The following CDSN variants were observed in gnomAD, a reference collection of about 807,000 sequenced individuals.
The protein encoded by CDSN is corneodesmosin.
CDSN carries 11 observed loss-of-function variants against 25.6 expected under a neutral mutation model. That is an observed-to-expected ratio of 0.43 (90% CI 0.27 to 0.71). The LOEUF (loss-of-function observed/expected upper bound fraction) is 0.71. Among genes scored for constraint, CDSN ranks in the 30% least tolerant of loss-of-function variants. The pLI is 0.20. For synonymous variants in CDSN, 266 were observed against 267.4 expected, an observed-to-expected ratio of 0.99 and a Z score of 0.05; for missense variants, 598 against 670.9, an observed-to-expected ratio of 0.89 and a Z score of 1.20.
rs760265373 is a variant in CDSN at position 31,120,431 on chromosome 6, C to T, written c.-12G>A. Reference sequence around the variant, plus strand: ...CGAGACGAGCCCATCTCGGACTGCACGGCCTCCTGACTGATGGCAGCTCAA... The same window carrying T: ...CGAGACGAGCCCATCTCGGACTGCATGGCCTCCTGACTGATGGCAGCTCAA... On this transcript the variant is annotated 5_prime_UTR_variant, in exon 1 of 2. It adds an upstream start codon to the 5' untranslated region. Transcript: ENST00000376288. The T allele has an allele frequency of 5.7e-6, 9 of 1,568,416 alleles. No homozygotes were observed. Among genetic ancestry groups the T allele is most frequent in the Admixed American group, 3.8e-5 (2 of 53,288 alleles).
Position 31,116,784 on chromosome 6 carries a change from G to T in CDSN, c.831C>A (p.Gly277=), listed in dbSNP as rs1772154559. The T allele has an allele frequency of 1.2e-6, 2 of 1,613,436 alleles. No individual in the cohort carries two copies. The highest frequency in any genetic ancestry group is 1.7e-6 in the Non-Finnish European group (2 of 1,180,022). The change falls in exon 2 of 2, where the codon GGC becomes GGA. Residue 277 remains glycine, a synonymous_variant. Coordinates refer to ENST00000376288, the MANE Select transcript of CDSN (RefSeq NM_001264.5). ...VVQGPPCSNG[G]LPGKPCPPIT... ...TTGGGGGACAGGGCTTGCCTGGAAG[G>T]CCACCATTGCTACAGGGGGGACCTT...
chr6:31,117,159 G>C lies in CDSN; in HGVS notation c.456C>G (p.Ser152Arg), dbSNP rs144038841. The C allele has an allele frequency of 9.7e-4, 1,554 of 1,606,338 alleles. 23 individuals are homozygous for C. The East Asian group carries it at 0.027, about 28-fold the overall frequency. Residue 152 changes from serine (S) to arginine (R), a missense_variant, in exon 2 of 2, where the codon AGC becomes AGG. Coordinates refer to ENST00000376288, the MANE Select transcript of CDSN (RefSeq NM_001264.5). Reference protein sequence around the residue: ...GNSGSHSGSSSSHSSSSSSFQ... With the variant: ...GNSGSHSGSSRSHSSSSSSFQ... ...AGCTGCTGCTGCTGCTCGAATGAGA[G>C]CTGCTGCTTCCCGAGTGAGAGCCGC...
At chr6:31,117,973 T>A in intron 1 of CDSN, 1 of 179,892 alleles carries the variant, frequency 5.6e-6, no homozygotes, top group Non-Finnish European at 1.2e-5. Flanking sequence ...GAAGAGGGAA[T>A]GGAGAAGGGG....
chr6:31,117,864 C>T (rs3130987), intron 1 of CDSN: 191,536 of 339,124 alleles, frequency 0.56, 55,787 homozygotes, highest in East Asian at 0.71. Context: ...TTTGGGAGGC[C>T]GAGGTGGGAG....
rs1358676547 is a variant in CDSN at position 31,115,178 on chromosome 6, T to C, written c.*847A>G. On this transcript the variant is annotated 3_prime_UTR_variant, in exon 2 of 2. Transcript: ENST00000376288. This position sits in a 1 kb window ranked among gnomAD's most constrained non-coding sequence, Gnocchi z 4.2. ...AACACAGCCCGCTTTTGAAGGAAAA[T>C]GAGGAACACAGAGACCTCTAGAGGC... The C allele has an allele frequency of 3.0e-6, 1 of 336,922 alleles. No homozygotes were observed. The highest frequency in any genetic ancestry group is 2.2e-5 in the African/African-American group (1 of 46,122). 20.9% of individuals were successfully genotyped at this position (336,922 alleles called of 1,614,324 possible).
At position 31,116,556 on chromosome 6, in the gene CDSN, G is replaced by A. The variant is rs36097319; in HGVS notation, c.1059C>T (p.Ser353=). Reference sequence around the variant, plus strand: ...CCGACTGGCTGGGGATGATGGGGTTGCTGGAGAAGTATTTGCCCTCAGAGA... The same window carrying A: ...CCGACTGGCTGGGGATGATGGGGTTACTGGAGAAGTATTTGCCCTCAGAGA... ...PPISEGKYFS[S]NPIIPSQSAA... Residue 353 remains serine, a synonymous_variant, in exon 2 of 2, where the codon AGC becomes AGT. Transcript: ENST00000376288. 4.2e-3 allele frequency: 6,768 copies of A among 1,613,924 alleles called. 213 individuals are homozygous for A. The South Asian group carries it at 0.053, about 13-fold the overall frequency.
At chr6:31,117,738 G>A in intron 1 of CDSN, 1 of 595,190 alleles carries the variant, frequency 1.7e-6, no homozygotes, top group Non-Finnish European at 3.0e-6. Flanking sequence ...TGGGAAGGGT[G>A]GGCAAACACC....
At chr6:31,118,693 TACAA>T (rs1772296239) in intron 1 of CDSN, 2 of 152,196 alleles carry the variant, frequency 1.3e-5, no homozygotes, top group Non-Finnish European at 2.9e-5. Context: ...TCCCACGTGT[TACAA>T]ACAGAGCCAC....
At position 31,115,907 on chromosome 6, in the gene CDSN, T is replaced by G; in HGVS notation, c.*118A>C. The stretch of plus-strand genomic sequence containing the variant: ...GTAGTGGAGAAAGCAGAACCACTCT[T>G]TTGGGAAGGAGGGAAACTGAGCTAA... On this transcript the variant is annotated 3_prime_UTR_variant, in exon 2 of 2. Transcript: ENST00000376288. The surrounding 1 kb of genome is among the most constrained non-coding windows in gnomAD (Gnocchi z 4.2). The G allele has an allele frequency of 1.1e-6, 1 of 887,816 alleles. No individual in the cohort carries two copies. Among genetic ancestry groups the G allele is most frequent in the Non-Finnish European group, 1.8e-6 (1 of 546,256 alleles). The allele number at this position is 887,816 out of a possible 1,614,324, so 55.0% of individuals were successfully genotyped here. A position where few individuals can be genotyped will look rare whatever the true frequency, so the allele number is the denominator to read the frequency against.
chr6:31,120,362 G>A lies in CDSN; in HGVS notation c.58C>T (p.Leu20=). The A allele has an allele frequency of 6.3e-7, 1 of 1,593,216 alleles. No homozygotes were observed. The change falls in exon 1 of 2, where the codon CTG becomes TTG. Residue 20 remains leucine, a synonymous_variant. Transcript: ENST00000376288. The part of the protein sequence containing the change: ...GRVGGHGMMA[L]LLAGLLLPGT... ...GGCAGGAGGAGACCAGCCAGCAGCA[G>A]TGCCATCATCCCGTGCCCACCCACA...
chr6:31,120,091 T>C (rs1048290892), intron 1 of CDSN, among the ~76,000 whole-genome samples: 3 of 151,990 alleles, frequency 2.0e-5, no homozygotes, highest in African/African-American at 7.3e-5. Flanking sequence ...CCAAAGTACA[T>C]ATCACATACA....
Position 31,117,049 on chromosome 6 carries a change from G to C in CDSN, c.566C>G (p.Pro189Arg). Residue 189 changes from proline (P) to arginine (R), a missense_variant, in exon 2 of 2, where the codon CCT becomes CGT. Coordinates refer to ENST00000376288, the MANE Select transcript of CDSN (RefSeq NM_001264.5). The part of the protein sequence containing the change: ...NDNSYRGILN[P>R]SQPGQSSSSS... ...GGAAGAGCTTTGTCCAGGCTGGGAA[G>C]GGTTTAGTATTCCGCGGTAAGAGTT... The C allele has an allele frequency of 6.2e-7, 1 of 1,614,260 alleles. No individual in the cohort carries two copies. The highest frequency in any genetic ancestry group is 1.3e-5 in the African/African-American group (1 of 75,068).
intron 1 of CDSN, among the ~76,000 whole-genome samples, chr6:31,119,593 G>T (rs751265791): frequency 3.9e-5 from 6 of 152,182 alleles, no homozygotes; most frequent in Non-Finnish European, 8.8e-5. Context: ...TACCGTTCTT[G>T]TAATGATCAA....
chr6:31,119,080 G>A (rs1188921672), intron 1 of CDSN, among the ~76,000 whole-genome samples: 1 of 151,916 alleles, frequency 6.6e-6, no homozygotes, highest in Admixed American at 6.6e-5. Context: ...CTAACCTCAG[G>A]CGATTCACCT....
intron 1 of CDSN, 61 bp downstream of exon 1, chr6:31,120,274 G>T: frequency 1.5e-6 from 2 of 1,310,842 alleles, no homozygotes; most frequent in Non-Finnish European, 2.2e-6. Context: ...CCCTTCGCTG[G>T]GTCCTCTCCC....
Position 31,117,166 on chromosome 6 carries a change from C to CTTCCCGAGTGAGAGCCGCTGT in CDSN, c.428_448dup (p.Asn143_Gly149dup). On this transcript the variant is annotated inframe_insertion, in exon 2 of 2. Transcript: ENST00000376288. ...GCTGCTGCTCGAATGAGAGCTGCTGCTTCCCGAGTGAGAGCCGCTGTTTCC... is the reference window on the plus strand; with the variant it reads ...GCTGCTGCTCGAATGAGAGCTGCTGCTTCCCGAGTGAGAGCCGCTGTTTCCCGAGTGAGAGCCGCTGTTTCC... 2 of 951,402 alleles carry CTTCCCGAGTGAGAGCCGCTGT rather than the reference C, an allele frequency of 2.1e-6. No homozygotes were observed. Among genetic ancestry groups the CTTCCCGAGTGAGAGCCGCTGT allele is most frequent in the South Asian group, 1.7e-5 (1 of 59,004 alleles). 58.9% of individuals were successfully genotyped at this position (951,402 alleles called of 1,614,324 possible).
chr6:31,117,613 T>C (rs1772237747), intron 1 of CDSN, 84 bp from the exon 2 acceptor site: 3 of 1,160,668 alleles, frequency 2.6e-6, no homozygotes, highest in Middle Eastern at 2.8e-4. Context: ...GTCATCGGCC[T>C]CTCGGGTTTC....
In CDSN at chr6:31,117,519, A is replaced by T. The variant is rs1341595111; in HGVS notation, c.96T>A (p.Ala32=). The T allele has an allele frequency of 1.3e-5, 20 of 1,550,494 alleles. No homozygotes were observed. Among genetic ancestry groups the T allele is most frequent in the Non-Finnish European group, 1.6e-5 (18 of 1,147,210 alleles). ...LAGLLLPGTL[A]KSIGTFSDPC... ...GGTCTGAGAAGGTGCCAATGCTCTT[A>T]GCCAAGGTCCCTGTGGAGGAAAGCA... The change falls in exon 2 of 2, where the codon GCT becomes GCA. Residue 32 remains alanine, a synonymous_variant. Transcript: ENST00000376288.
In CDSN at chr6:31,116,606, G is replaced by T; in HGVS notation, c.1009C>A (p.Pro337Thr). ...ATGGGGGGCCCAGCTGCAAAGGAAG[G>T]GACCCCTGGAGAGCCTTTCACAGGG... ...ENPVKGSPGV[P>T]SFAAGPPISE... is the part of the protein sequence containing the mutation. Residue 337 changes from proline to threonine, a missense_variant, in exon 2 of 2, where the codon CCT becomes ACT. Pro to Thr is a conservative substitution (Grantham distance 38, BLOSUM62 -1). Coordinates refer to ENST00000376288, the MANE Select transcript of CDSN (RefSeq NM_001264.5). The T allele has an allele frequency of 6.2e-7, 1 of 1,613,406 alleles. No homozygotes were observed. The highest frequency in any genetic ancestry group is 8.5e-7 in the Non-Finnish European group (1 of 1,179,986).
Sources: allele counts gnomAD v4.1 joint callset (sites outside exome capture counted in the v4.1 genomes callset), GRCh38; gene constraint gnomAD v4.1.1; non-coding constraint Gnocchi (gnomAD v3.1); transcripts MANE v1.5; gene names NCBI Gene and HGNC (gene_info 2026-07-23, HGNC 2026-07-21).